Variants in GIT2 observed in about 807,000 individuals in gnomAD.
GIT2 encodes the protein GIT ArfGAP 2.
Under a neutral mutation model 100.3 loss-of-function variants are expected in GIT2, and 32 were observed. The ratio of observed to expected loss-of-function variants is 0.32; its 90% CI spans 0.24 to 0.43. The LOEUF (loss-of-function observed/expected upper bound fraction) is 0.43, where lower values mean the gene tolerates loss of function less well. Among genes scored for constraint, GIT2 ranks in the 20% least tolerant of loss-of-function variants. GIT2 has a pLI of 1.00. For synonymous variants in GIT2, 353 were observed against 364.1 expected, an observed-to-expected ratio of 0.97 and a Z score of 0.35; for missense variants, 737 against 975.1, an observed-to-expected ratio of 0.76 and a Z score of 3.25.
upstream of GIT2, chr12:109,996,467 T>G: frequency 2.0e-6 from 1 of 498,690 alleles, no homozygotes; most frequent in Non-Finnish European, 3.6e-6. Context: ...GGCAGGAGAC[T>G]GCCCGAGTAT....
intron 4 of GIT2, 94 bp from the exon 5 acceptor site, chr12:109,983,788 T>A (rs1886809212): frequency 1.4e-6 from 1 of 740,662 alleles, no homozygotes; most frequent in East Asian, 2.5e-5. Context: ...ATATGTTACA[T>A]CAGTAACGCA....
Position 109,940,768 on chromosome 12 carries a change from AC to A in GIT2, c.1732-1522del, listed in dbSNP as rs573635652. Among the ~76,000 whole-genome samples the A allele has an allele frequency of 2.8e-4, 43 of 152,078 alleles. No homozygotes were observed. In the East Asian group the frequency reaches 7.3e-3, roughly 26 times the overall value. ...GGTAGTGCACACCTGCAGTTCAGCT[AC>A]TCGGGAGGCTGAGGTGAGATGATCT... On this transcript the variant is annotated intron_variant, in intron 16 of 19. Coordinates refer to ENST00000355312, the MANE Select transcript of GIT2 (RefSeq NM_057169.5).
intron 7 of GIT2, among the ~76,000 whole-genome samples, chr12:109,973,536 A>T (rs56408838): frequency 2.0e-5 from 3 of 152,128 alleles, no homozygotes; most frequent in African/African-American, 7.2e-5. Flanking sequence ...ATTGCCAGAC[A>T]TTTATGAGTT....
intron 11 of GIT2, among the ~76,000 whole-genome samples, chr12:109,960,531 A>T (rs1339389332): frequency 6.6e-6 from 1 of 152,112 alleles, no homozygotes; most frequent in African/African-American, 2.4e-5. Context: ...CAGTGAGCTG[A>T]GATGGTGCCA....
intron 18 of GIT2, among the ~76,000 whole-genome samples, chr12:109,935,051 C>A (rs555065503): frequency 6.6e-6 from 1 of 151,674 alleles, no homozygotes; most frequent in South Asian, 2.1e-4. Flanking sequence ...GCACTCCAGC[C>A]TAGGGGATAA....
At chr12:109,967,175 G>T (rs1351451273) in intron 8 of GIT2, 2 of 617,128 alleles carry the variant, frequency 3.2e-6, no homozygotes, top group African/African-American at 3.7e-5. Context: ...TAATACAGAA[G>T]TATTCTGTAA....
intron 7 of GIT2, among the ~76,000 whole-genome samples, chr12:109,978,763 C>G: frequency 6.6e-6 from 1 of 152,170 alleles, no homozygotes; most frequent in East Asian, 1.9e-4. Flanking sequence ...AGAATGTTTG[C>G]TTTTACTTCT....
intron 7 of GIT2, among the ~76,000 whole-genome samples, chr12:109,969,842 G>A (rs1020008696): frequency 6.7e-6 from 1 of 148,822 alleles, no homozygotes; most frequent in South Asian, 2.1e-4. Flanking sequence ...TATAACCTCC[G>A]CTTCCTGGAT....
At chr12:109,951,413 T>C (rs1231776349) in intron 13 of GIT2, 97 bp from the exon 14 acceptor site, 18 of 1,016,824 alleles carry the variant, frequency 1.8e-5, no homozygotes, top group East Asian at 4.8e-5. Flanking sequence ...GCCAGCTGAA[T>C]TGCAAAGTTA....
At chr12:109,970,703 T>G (rs1327521194) in intron 7 of GIT2, among the ~76,000 whole-genome samples, 2 of 152,250 alleles carry the variant, frequency 1.3e-5, no homozygotes, top group African/African-American at 4.8e-5. Flanking sequence ...TCTGAAAAAT[T>G]GGGTGCTGTA....
chr12:109,933,094 G>C lies in GIT2; in HGVS notation c.2164C>G (p.Pro722Ala). ...AGCTGAACGTCTGTGGGTGAGCCGG[G>C]GTCCCCTGGGAGGGTCTTCTTGCAC... ...SECKKTLPGDPGSPTDVQLVT... is the reference protein window; with the variant it reads ...SECKKTLPGDAGSPTDVQLVT... The change falls in exon 20 of 20, where the codon CCC (proline) becomes GCC (alanine). Residue 722 changes from proline to alanine, a missense_variant. Coordinates refer to ENST00000355312, the MANE Select transcript of GIT2 (RefSeq NM_057169.5). This position sits in a 1 kb window ranked among gnomAD's most constrained non-coding sequence, Gnocchi z 4.5. 6.2e-7 allele frequency: 1 copy of C among 1,613,058 alleles called. No individual in the cohort carries two copies.
At chr12:109,999,684 T>G (rs1566041135), upstream of GIT2, 1 of 1,531,760 alleles carries the variant, frequency 6.5e-7, no homozygotes, top group Non-Finnish European at 8.8e-7. This position sits in a 1 kb window ranked among gnomAD's most constrained non-coding sequence, Gnocchi z 4.3. Context: ...TACGGCCTCC[T>G]CGCCATGTCC....
In GIT2 at chr12:109,983,796, G is replaced by T. The variant is rs888809421; in HGVS notation, c.406-102C>A. On this transcript the variant is annotated intron_variant, in intron 4 of 19. Coordinates refer to ENST00000355312, the MANE Select transcript of GIT2 (RefSeq NM_057169.5). ...TTTTAATATATGTTACATCAGTAAC[G>T]CATAATCTTTATTTGTCTCGGTAAA... is the stretch of plus-strand genomic sequence containing the variant. 5 of 707,750 alleles carry T rather than the reference G, an allele frequency of 7.1e-6. No individual in the cohort carries two copies. The African/African-American group carries it at 7.2e-5, about 10-fold the overall frequency. The allele number at this position is 707,750 out of a possible 1,614,324, so 43.8% of individuals were successfully genotyped here.
chr12:109,982,636 C>T (rs913908440), intron 6 of GIT2: 1 of 145,960 alleles, frequency 6.9e-6, no homozygotes, highest in Admixed American at 6.8e-5. Flanking sequence ...TTACAGTGAG[C>T]ACTTTTTTTT....
rs765679405 is a variant in GIT2 at position 109,939,156 on chromosome 12, T to G, written c.1814+9A>C. The G allele has an allele frequency of 3.8e-6, 6 of 1,577,310 alleles. No individual in the cohort carries two copies. The highest frequency in any genetic ancestry group is 5.2e-6 in the Non-Finnish European group (6 of 1,146,732). ...CCCCTCCCCTGGCACGCTCGTCCTG[T>G]GCATGTACCCCATGCCATCTGGCTC... On this transcript the variant is annotated intron_variant, in intron 17 of 19. Transcript: ENST00000355312.
chr12:109,939,485 TAGTACAA>T (rs1263833560), intron 16 of GIT2: 1 of 350,090 alleles, frequency 2.9e-6, no homozygotes, highest in Non-Finnish European at 5.4e-6. Flanking sequence ...ATCAGATCCT[TAGTACAA>T]ACTAACAGAC....
chr12:109,973,721 T>A (rs1208228990), intron 7 of GIT2, among the ~76,000 whole-genome samples: 8 of 151,732 alleles, frequency 5.3e-5, no homozygotes, highest in African/African-American at 7.3e-5. Context: ...TTTTTTTTTT[T>A]AAAGTTTCTT....
At position 109,983,497 on chromosome 12, in the gene GIT2, C is replaced by T. The variant is rs753012017; in HGVS notation, c.499G>A (p.Gly167Arg). 30 of 1,613,464 alleles carry T rather than the reference C, an allele frequency of 1.9e-5. No homozygotes were observed. Among genetic ancestry groups the T allele is most frequent in the Non-Finnish European group, 2.5e-5 (29 of 1,179,658 alleles). The change falls in exon 6 of 20, where the codon GGA becomes AGA. Residue 167 changes from glycine (G) to arginine (R), a missense_variant. Gly to Arg is a moderately radical substitution (Grantham distance 125). Transcript: ENST00000355312. ...AQANFFHPEK[G>R]NTPLHVASKA... ...GAGGCAACATGGAGTGGGGTGTTTC[C>T]TTTTTCCTAAGAATCATTAATAAAA...
chr12:109,935,553 C>A lies in GIT2; in HGVS notation c.2004-1468G>T, dbSNP rs1872739459. On this transcript the variant is annotated intron_variant, in intron 18 of 19. Transcript: ENST00000355312. ...AGTAGCTGGGATTACAGGTTTGCAC[C>A]ACCACACCCGGCTAATTTTTGTATT... 2.0e-5 allele frequency among the ~76,000 whole-genome samples: 3 copies of A among 152,318 alleles called. No individual in the cohort carries two copies. The South Asian group carries it at 6.2e-4, about 32-fold the overall frequency.
Sources: allele counts gnomAD v4.1 joint callset (sites outside exome capture counted in the v4.1 genomes callset), GRCh38; gene constraint gnomAD v4.1.1; non-coding constraint Gnocchi (gnomAD v3.1); transcripts MANE v1.5; gene names NCBI Gene and HGNC (gene_info 2026-07-23, HGNC 2026-07-21).